Variants in KSR2 observed in about 807,000 individuals in gnomAD.
The protein encoded by KSR2 is kinase suppressor of ras 2.
KSR2 carries 25 observed loss-of-function variants against 107.8 expected under a neutral mutation model. The ratio of observed to expected loss-of-function variants is 0.23; its 90% confidence interval spans 0.17 to 0.32. The LOEUF is 0.32. Ranked by LOEUF, KSR2 falls within the 10% of genes least tolerant of loss-of-function variation. The pLI is 1.00. For missense variants in KSR2, 887 were observed against 1,268.9 expected (o/e 0.70, Z 4.57); for synonymous variants, 480 against 507.0 (o/e 0.95, Z 0.71).
chr12:117,864,675 A>G (rs1033436233), intron 1 of KSR2, among the ~76,000 whole-genome samples: 2 of 152,192 alleles, frequency 1.3e-5, no homozygotes, highest in Admixed American at 6.5e-5. Context: ...AGGCCCTGCT[A>G]CAGGCCCCTC....
chr12:117,575,640 A>G (rs1362055492), intron 7 of KSR2, among the ~76,000 whole-genome samples: 1 of 152,228 alleles, frequency 6.6e-6, no homozygotes, highest in Admixed American at 6.5e-5. Context: ...GCATGCTCAT[A>G]ATTATGTACT....
intron 2 of KSR2, 35 bp downstream of exon 2, chr12:117,860,256 T>C: frequency 1.3e-6 from 2 of 1,591,464 alleles, no homozygotes; most frequent in Non-Finnish European, 1.7e-6. Context: ...TGCTGGCCAG[T>C]AAGGGGCAGG....
intron 14 of KSR2, among the ~76,000 whole-genome samples, chr12:117,524,475 G>A (rs1052033996): frequency 6.6e-6 from 1 of 152,044 alleles, no homozygotes; most frequent in African/African-American, 2.4e-5. Flanking sequence ...AGACCATCCT[G>A]GGCAACATAG....
chr12:117,731,345 C>T (rs485931), intron 4 of KSR2, among the ~76,000 whole-genome samples: 8,894 of 145,426 alleles, frequency 0.061, 495 homozygotes, highest in African/African-American at 0.084. Flanking sequence ...GGAGCCCCCC[C>T]GCCCAGCAGC....
At chr12:117,674,158 G>A (rs1885023964) in intron 4 of KSR2, 1 of 405,476 alleles carries the variant, frequency 2.5e-6, no homozygotes, top group Admixed American at 2.9e-5. Flanking sequence ...CTTTTCTGAT[G>A]CCCAATTTAC....
intron 4 of KSR2, among the ~76,000 whole-genome samples, chr12:117,720,012 G>A (rs1306648621): frequency 6.6e-6 from 1 of 152,224 alleles, no homozygotes; most frequent in Non-Finnish European, 1.5e-5. Flanking sequence ...CTTCCATGCA[G>A]AGACAGAGTG....
intron 5 of KSR2, among the ~76,000 whole-genome samples, chr12:117,603,277 A>G (rs1045960273): frequency 1.3e-5 from 2 of 152,238 alleles, no homozygotes; most frequent in Admixed American, 6.5e-5. Context: ...TCCTTACACA[A>G]CAAAAGTCTC....
chr12:117,519,783 C>CAT (rs1874623733), intron 14 of KSR2, among the ~76,000 whole-genome samples: 1 of 150,654 alleles, frequency 6.6e-6, no homozygotes, highest in African/African-American at 2.4e-5. Flanking sequence ...TGTGTGTGTG[C>CAT]GTGTGTGTGT....
chr12:117,662,478 C>T (rs982363879), intron 5 of KSR2, among the ~76,000 whole-genome samples: 1 of 152,330 alleles, frequency 6.6e-6, no homozygotes, highest in East Asian at 1.9e-4. Context: ...TCTGACTCAG[C>T]CTCAAGGTAC....
chr12:117,531,695 T>C lies in KSR2; in HGVS notation c.1700A>G (p.Tyr567Cys), dbSNP rs1875645736. The change falls in exon 11 of 20, where the codon TAC becomes TGC. Residue 567 changes from tyrosine (Y) to cysteine (C), a missense_variant. Tyr to Cys is a radical substitution (Grantham distance 194). Transcript: ENST00000339824. ...GAAGATGAACTGCTGCTTGTATTTG[T>C]AGTAGTGGGATGCTTGCAAAAGAAA... ...KNFNLPASHY[Y>C]KYKQQFIFPD... is the part of the protein sequence containing the mutation. The C allele has an allele frequency of 1.2e-6, 2 of 1,600,862 alleles. No homozygotes were observed. The highest frequency in any genetic ancestry group is 1.1e-5 in the South Asian group (1 of 88,408).
chr12:117,840,714 A>G (rs1892434286), intron 3 of KSR2, among the ~76,000 whole-genome samples: 1 of 152,100 alleles, frequency 6.6e-6, no homozygotes, highest in South Asian at 2.1e-4. Context: ...CTGTTTAAAA[A>G]ATACTAAGCC....
rs1895087688 is a variant in KSR2, at chr12:117,913,550, A to C, written c.181-53119T>G. On this transcript the variant is annotated intron_variant, in intron 1 of 19. Transcript: ENST00000339824. The stretch of plus-strand genomic sequence containing the variant: ...AAAGGGTGGGCCCTAAATCCAATGA[A>C]GGCATCCTTGTAAGAGACAGAAATA... Among the ~76,000 whole-genome samples, 3 of 152,310 alleles carry C rather than the reference A, an allele frequency of 2.0e-5. 1 individual carries two copies. The South Asian group carries it at 6.2e-4, about 32-fold the overall frequency.
At chr12:117,837,509 T>A (rs1271232436) in intron 3 of KSR2, among the ~76,000 whole-genome samples, 1 of 152,086 alleles carries the variant, frequency 6.6e-6, no homozygotes, top group Non-Finnish European at 1.5e-5. Context: ...CATCCCAGTG[T>A]CTACGGCCAA....
chr12:117,950,182 C>T (rs1261641847), intron 1 of KSR2, among the ~76,000 whole-genome samples: 1 of 151,956 alleles, frequency 6.6e-6, no homozygotes, highest in East Asian at 1.9e-4. Flanking sequence ...CCATGTTGCC[C>T]GGGGTGGTCT....
intron 7 of KSR2, among the ~76,000 whole-genome samples, chr12:117,559,659 C>T (rs935533485): frequency 5.9e-5 from 9 of 152,118 alleles, no homozygotes; most frequent in Non-Finnish European, 1.3e-4. Context: ...TAGAGGCATA[C>T]AGTTGAAGAG....
intron 1 of KSR2, among the ~76,000 whole-genome samples, chr12:117,864,706 G>A (rs560030450): frequency 2.8e-4 from 42 of 152,314 alleles, no homozygotes; most frequent in East Asian, 9.6e-4. Context: ...TGAGAATCCC[G>A]TGGCTTGTGG....
intron 1 of KSR2, among the ~76,000 whole-genome samples, chr12:117,876,384 C>T (rs989538430): frequency 6.6e-6 from 1 of 152,222 alleles, no homozygotes; most frequent in Admixed American, 6.5e-5. Flanking sequence ...ATCCCTGAGG[C>T]CAGGCAGAGG....
intron 14 of KSR2, among the ~76,000 whole-genome samples, chr12:117,509,056 A>G (rs1022189773): frequency 1.3e-5 from 2 of 152,008 alleles, no homozygotes; most frequent in African/African-American, 4.8e-5. Context: ...GGTTGAATTG[A>G]TAGGAGGATG....
intron 1 of KSR2, among the ~76,000 whole-genome samples, chr12:117,872,717 C>G (rs1893690885): frequency 6.6e-6 from 1 of 152,210 alleles, no homozygotes; most frequent in African/African-American, 2.4e-5. Flanking sequence ...ACTGTCTGAA[C>G]AATTACATAA....
Sources: allele counts gnomAD v4.1 joint callset (sites outside exome capture counted in the v4.1 genomes callset), GRCh38; gene constraint gnomAD v4.1.1; transcripts MANE v1.5; gene names NCBI Gene and HGNC (gene_info 2026-07-23, HGNC 2026-07-21).